PODNL1: variants seen among roughly 807,000 people sequenced by gnomAD.
PODNL1 encodes podocan like 1, also known as podocan-like protein 1.
In PODNL1, 50 loss-of-function variants were observed where a neutral mutation model predicts 45.1. The observed-to-expected ratio is 1.11, with a 90% confidence interval of 0.88 to 1.40. PODNL1 has a LOEUF of 1.40. PODNL1 is among the 40% of genes most tolerant of loss of function. The pLI is 0.00. For synonymous variants in PODNL1, 406 were observed against 372.5 expected (o/e 1.09, Z -1.04); for missense variants, 788 against 793.3 (o/e 0.99, Z 0.08).
At chr19:13,949,620 C>G (rs1276045236) in intron 1 of PODNL1, 1 of 152,016 alleles carries the variant, frequency 6.6e-6, no homozygotes, top group African/African-American at 2.4e-5. Context: ...TGAAATTAGA[C>G]ATTTTCAGAT....
At chr19:13,944,754 C>G (rs2145458131) in intron 1 of PODNL1, among the ~76,000 whole-genome samples, 1 of 151,174 alleles carries the variant, frequency 6.6e-6, no homozygotes, top group African/African-American at 2.4e-5. Context: ...TACTCCTGGC[C>G]TGTTTGGGGT....
At chr19:13,952,558 G>A in intron 1 of PODNL1, 17 of 1,263,022 alleles carry the variant, frequency 1.3e-5, no homozygotes, top group Non-Finnish European at 1.6e-5. Context: ...GGCTGGGAGC[G>A]GCGGCGGCGG....
At chr19:13,934,498 AGTGTGTGTGTGT>A (rs767618376) in intron 5 of PODNL1, 88 bp from the exon 6 acceptor site, 12 of 980,256 alleles carry the variant, frequency 1.2e-5, no homozygotes, top group Middle Eastern at 3.6e-4. Context: ...GGTCGCCTTC[AGTGTGTGTGTGT>A]GTGTGTGTGT....
Position 13,938,391 on chromosome 19 carries a change from G to A in PODNL1, c.-210C>T. On this transcript the variant is annotated 5_prime_UTR_variant, in exon 1 of 10. Transcript: ENST00000588872. ...CCTGGGGAGGACGGGCAGGCGGCCG[G>A]ATGGGGTGGTGAGGACAGGCCAGCC... is the stretch of plus-strand genomic sequence containing the variant. 1 of 1,396,888 alleles carries A rather than the reference G, an allele frequency of 7.2e-7. No homozygotes were observed. Among genetic ancestry groups the A allele is most frequent in the Non-Finnish European group, 9.3e-7 (1 of 1,076,558 alleles). 86.5% of individuals were successfully genotyped at this position (1,396,888 alleles called of 1,614,324 possible).
At chr19:13,938,028 C>A (rs771121691) in intron 1 of PODNL1, 22 bp from the exon 2 acceptor site, 20 of 1,486,132 alleles carry the variant, frequency 1.3e-5, no homozygotes, top group Non-Finnish European at 1.7e-5. Flanking sequence ...GGAGGGTCAG[C>A]GTGTCTCCAG....
At position 13,952,509 on chromosome 19, in the gene PODNL1, G is replaced by A. The variant is rs986617293; in HGVS notation, c.18+610C>T. ...TGCTCCGGAAGTGGAGGGAGGGGGT[G>A]AAAATGGCGCCCAGCTCGAAATCGG... is the stretch of plus-strand genomic sequence containing the variant. On this transcript the variant is annotated intron_variant, in intron 1 of 7. Coordinates refer to the PODNL1 transcript ENST00000538371. The A allele has an allele frequency of 3.2e-6, 4 of 1,250,794 alleles. No homozygotes were observed. In the Admixed American group the frequency reaches 1.7e-4, roughly 53 times the overall value. The allele number at this position is 1,250,794 out of a possible 1,614,324, so 77.5% of individuals were successfully genotyped here.
At chr19:13,944,061 C>G (rs1197431190) in intron 1 of PODNL1, among the ~76,000 whole-genome samples, 5 of 152,018 alleles carry the variant, frequency 3.3e-5, no homozygotes, top group Admixed American at 3.3e-4. Flanking sequence ...TTGGCTAGCT[C>G]TGGGGGGAGA....
At chr19:13,939,011 G>A (rs543968975), upstream of PODNL1, among the ~76,000 whole-genome samples, 5 of 152,248 alleles carry the variant, frequency 3.3e-5, no homozygotes, top group Admixed American at 2.0e-4. Flanking sequence ...TTTGGCACCC[G>A]TGGATGGGGG....
intron 1 of PODNL1, among the ~76,000 whole-genome samples, chr19:13,945,366 A>T (rs908412943): frequency 6.6e-6 from 1 of 151,892 alleles, no homozygotes; most frequent in African/African-American, 2.4e-5. Context: ...AAAAATTCAG[A>T]AAATTAGGTT....
chr19:13,935,725 G>A lies in PODNL1; in HGVS notation c.490C>T (p.Leu164Phe), dbSNP rs1043903854. Residue 164 changes from leucine to phenylalanine, a missense_variant, in exon 5 of 10, where the codon CTC (leucine) becomes TTC (phenylalanine). Transcript: ENST00000588872. ...FPLTFGEKPA[L>F]RSVYLHNNQL... is the part of the protein sequence containing the mutation. ...CTGGGCTGGGCCAGGGTCTACCTGA[G>A]TGCCGGCTTCTCCCCAAAGGTGAGG... is the stretch of plus-strand genomic sequence containing the variant. The A allele has an allele frequency of 3.8e-6, 6 of 1,563,374 alleles. No individual in the cohort carries two copies. The highest frequency in any genetic ancestry group is 1.4e-5 in the African/African-American group (1 of 72,744).
At chr19:13,936,144 G>T in intron 3 of PODNL1, 100 bp from the exon 4 acceptor site, 1 of 1,146,610 alleles carries the variant, frequency 8.7e-7, no homozygotes, top group Non-Finnish European at 1.3e-6. Context: ...CGGGGAACTG[G>T]CAGAGGCTCC....
rs1972518057 is a variant in PODNL1, at chr19:13,938,291, T to TG, written c.-111_-110insC. On this transcript the variant is annotated 5_prime_UTR_variant, in exon 1 of 10. An upstream open reading frame in the 5' UTR loses its in-frame stop. Coordinates refer to ENST00000588872, the MANE Select transcript of PODNL1 (RefSeq NM_001370095.3). Reference sequence around the variant, plus strand: ...GCTGTGGCCACCACCGCCCCCCATCTCCAGACCCATGCCACCCCCCACAAC... The same window carrying TG: ...GCTGTGGCCACCACCGCCCCCCATCTGCCAGACCCATGCCACCCCCCACAAC... The TG allele has an allele frequency of 2.7e-6, 4 of 1,475,952 alleles. No homozygotes were observed. In the African/African-American group the frequency reaches 5.7e-5, roughly 21 times the overall value. 91.4% of individuals were successfully genotyped at this position (1,475,952 alleles called of 1,614,324 possible). A position where few individuals can be genotyped will look rare whatever the true frequency, so the allele number is the denominator to read the frequency against.
In PODNL1 at chr19:13,932,958, GTGGGCAGGCCCA is replaced by G; in HGVS notation, c.1253_1264del (p.Met418_Pro421del). 1 of 1,559,942 alleles carries G rather than the reference GTGGGCAGGCCCA, an allele frequency of 6.4e-7. No homozygotes were observed. The highest frequency in any genetic ancestry group is 1.7e-4 in the Middle Eastern group (1 of 5,974). Reference sequence around the variant, plus strand: ...TTGCAGCTGCAGGGTGCGCAGGCCAGTGGGCAGGCCCATGGGCAGCCGGGTTAGCTGATTCCC... The same window carrying G: ...TTGCAGCTGCAGGGTGCGCAGGCCAGTGGGCAGCCGGGTTAGCTGATTCCC... On this transcript the variant is annotated inframe_deletion, in exon 8 of 10. Coordinates refer to ENST00000588872, the MANE Select transcript of PODNL1 (RefSeq NM_001370095.3).
intron 1 of PODNL1, among the ~76,000 whole-genome samples, chr19:13,948,944 A>G (rs1362948864): frequency 1.4e-5 from 2 of 140,432 alleles, no homozygotes; most frequent in African/African-American, 5.8e-5. Context: ...CTGTCTCAGA[A>G]AAAAAAAAAA....
At chr19:13,952,573 G>C in intron 1 of PODNL1, 3 of 1,264,468 alleles carry the variant, frequency 2.4e-6, no homozygotes, top group Non-Finnish European at 3.0e-6. Context: ...CGGCGGCCCC[G>C]GGGGAGCCGG....
rs1339644897 is a variant in PODNL1 at position 13,953,100 on chromosome 19, G to A, written c.18+19C>T. The A allele has an allele frequency of 1.9e-6, 3 of 1,550,622 alleles. No homozygotes were observed. The African/African-American group carries it at 4.1e-5, about 21-fold the overall frequency. On this transcript the variant is annotated intron_variant, in intron 1 of 7. Transcript: ENST00000538371. ...CCCTGCCCAAGCCCCGACCACACAT[G>A]AGCTGGGAGTTCCAGTACCTGGGTG...
rs577998430 is a variant in PODNL1, at chr19:13,932,860, G to A, written c.1363C>T (p.His455Tyr). 6.2e-7 allele frequency: 1 copy of A among 1,611,178 alleles called. No individual in the cohort carries two copies. Among genetic ancestry groups the A allele is most frequent in the Admixed American group, 1.7e-5 (1 of 59,756 alleles). Residue 455 changes from histidine (H) to tyrosine (Y), a missense_variant, in exon 8 of 10, where the codon CAC becomes TAC. Transcript: ENST00000588872. ...ATGTCGCCGACCCGGAGCCGGTTGT[G>A]CGCCAGGCTGAGCTCCCGCAGTTGG... ...LDQLRELSLA[H>Y]NRLRVGDIGP...
intron 1 of PODNL1, among the ~76,000 whole-genome samples, chr19:13,947,006 A>G (rs1274564122): frequency 6.7e-6 from 1 of 148,614 alleles, no homozygotes; most frequent in Non-Finnish European, 1.5e-5. Context: ...AGCTATGATC[A>G]CACCACTGCA....
At chr19:13,949,005 T>G (rs1972918236) in intron 1 of PODNL1, among the ~76,000 whole-genome samples, 1 of 151,750 alleles carries the variant, frequency 6.6e-6, no homozygotes, top group East Asian at 1.9e-4. Flanking sequence ...TATGTGTTTA[T>G]TTATTGACAC....
Sources: gnomAD v4.1 joint callset for allele counts (sites outside exome capture counted in the v4.1 genomes callset) on GRCh38, gnomAD v4.1.1 for gene constraint, MANE v1.5 for transcripts, NCBI Gene and HGNC (gene_info 2026-07-23, HGNC 2026-07-21) for gene names.